ADAMTS20: variants seen among roughly 807,000 people sequenced by gnomAD.
ADAMTS20 encodes A disintegrin and metalloproteinase with thrombospondin motifs 20.
ADAMTS20 carries 225 observed loss-of-function variants against 260.1 expected under a neutral mutation model. That is an observed-to-expected ratio of 0.87 (90% confidence interval 0.78 to 0.97). ADAMTS20 has a LOEUF of 0.97. ADAMTS20 is among the 50% of genes least tolerant of loss of function. The pLI is 0.00. For synonymous variants in ADAMTS20, 802 were observed against 769.5 expected (o/e 1.04, Z -0.70); for missense variants, 2,400 against 2,337.7 (o/e 1.03, Z -0.55).
At chr12:43,443,696 G>A in intron 16 of ADAMTS20, 95 bp downstream of exon 16, 2 of 947,694 alleles carry the variant, frequency 2.1e-6, no homozygotes, top group South Asian at 1.4e-5. Flanking sequence ...GCTTGCTAAA[G>A]GGACTCCTGT....
chr12:43,381,639 G>C, intron 31 of ADAMTS20, among the ~76,000 whole-genome samples: 1 of 142,330 alleles, frequency 7.0e-6, no homozygotes, highest in African/African-American at 2.6e-5. Context: ...AAAAAAGCTA[G>C]AGATGGTGGC....
chr12:43,368,234 T>G (rs1005644017), intron 37 of ADAMTS20, among the ~76,000 whole-genome samples: 1 of 152,084 alleles, frequency 6.6e-6, no homozygotes, highest in African/African-American at 2.4e-5. Context: ...TGCTATTTTG[T>G]TTTGGAACCT....
chr12:43,499,678 T>G (rs1180876609), intron 4 of ADAMTS20, among the ~76,000 whole-genome samples: 1 of 152,018 alleles, frequency 6.6e-6, no homozygotes, highest in Non-Finnish European at 1.5e-5. Flanking sequence ...CTAATTTTTG[T>G]GTTTTCAGTA....
chr12:43,524,056 C>G (rs928616516), intron 3 of ADAMTS20, among the ~76,000 whole-genome samples: 2 of 151,362 alleles, frequency 1.3e-5, no homozygotes, highest in Non-Finnish European at 2.9e-5. Context: ...CCAATTGACA[C>G]AGTCCATTAC....
rs114548026 is a variant in ADAMTS20 at position 43,414,234 on chromosome 12, T to C, written c.4284+11280A>G. Among the ~76,000 whole-genome samples the C allele has an allele frequency of 3.2e-3, 492 of 152,248 alleles. 2 individuals are homozygous for C. The highest frequency in any genetic ancestry group is 0.011 in the African/African-American group (469 of 41,564). On this transcript the variant is annotated intron_variant, in intron 28 of 38. Coordinates refer to ENST00000389420, the MANE Select transcript of ADAMTS20 (RefSeq NM_025003.5). ...GTTTGCCTTTCAAATAATTTTAAAA[T>C]AAATCTTTGCTACACACACAAGCCA...
At chr12:43,461,527 G>A (rs1942065082) in intron 11 of ADAMTS20, among the ~76,000 whole-genome samples, 1 of 151,880 alleles carries the variant, frequency 6.6e-6, no homozygotes, top group African/African-American at 2.4e-5. Flanking sequence ...TCACACTTTT[G>A]CCACGAGCAA....
At chr12:43,365,557 C>A (rs1000126853) in intron 37 of ADAMTS20, among the ~76,000 whole-genome samples, 7 of 151,780 alleles carry the variant, frequency 4.6e-5, no homozygotes, top group African/African-American at 1.7e-4. Flanking sequence ...TAAGTCAAAT[C>A]CACAGGAAGA....
chr12:43,501,052 A>ATTTTTTTT (rs1210649487), intron 4 of ADAMTS20, among the ~76,000 whole-genome samples: 5 of 60,244 alleles, frequency 8.3e-5, no homozygotes, highest in Non-Finnish European at 9.2e-5. Context: ...TGGCTATGTA[A>ATTTTTTTT]TTCTTTTTTT....
At chr12:43,366,774 AT>A in intron 37 of ADAMTS20, among the ~76,000 whole-genome samples, 1 of 152,028 alleles carries the variant, frequency 6.6e-6, no homozygotes, top group African/African-American at 2.4e-5. Flanking sequence ...CATACCAAAT[AT>A]TTTGGGATGC....
chr12:43,464,393 G>T (rs573774502), intron 10 of ADAMTS20, among the ~76,000 whole-genome samples, 198 bp downstream of exon 10: 2 of 152,084 alleles, frequency 1.3e-5, no homozygotes, highest in East Asian at 3.9e-4. Flanking sequence ...TAATTTTTAA[G>T]TACCCAAAAC....
chr12:43,513,254 G>A (rs1484851544), intron 3 of ADAMTS20, among the ~76,000 whole-genome samples: 2 of 152,090 alleles, frequency 1.3e-5, no homozygotes, highest in South Asian at 2.1e-4. Context: ...CTGGTCAAGC[G>A]TCACAGAGTA....
At chr12:43,446,998 A>T (rs1426995939) in intron 14 of ADAMTS20, among the ~76,000 whole-genome samples, 2 of 152,106 alleles carry the variant, frequency 1.3e-5, no homozygotes, top group Non-Finnish European at 2.9e-5. Flanking sequence ...ATCAGTAATA[A>T]GTAGGCTACC....
intron 28 of ADAMTS20, among the ~76,000 whole-genome samples, chr12:43,408,557 T>C (rs1940963093): frequency 6.6e-6 from 1 of 152,144 alleles, no homozygotes; most frequent in Admixed American, 6.5e-5. Context: ...AAAAGGAATA[T>C]GCACAGAGTA....
intron 9 of ADAMTS20, 137 bp downstream of exon 9, chr12:43,466,515 A>G: frequency 1.5e-6 from 1 of 675,592 alleles, no homozygotes; most frequent in South Asian, 2.0e-5. Context: ...TTGTTCTTAA[A>G]CATCCATTTG....
At chr12:43,369,187 A>T (rs921806628) in intron 37 of ADAMTS20, 103 bp downstream of exon 37, 1 of 639,338 alleles carries the variant, frequency 1.6e-6, no homozygotes, top group Non-Finnish European at 2.3e-6. Context: ...TTGCATTTCT[A>T]TTTACTTATG....
chr12:43,442,150 T>A (rs1030009712), intron 16 of ADAMTS20, among the ~76,000 whole-genome samples: 12 of 152,208 alleles, frequency 7.9e-5, no homozygotes, highest in African/African-American at 2.2e-4. Flanking sequence ...GTTTTAAAAA[T>A]TCCTTCTATT....
At chr12:43,357,025 G>A (rs914924790) in intron 37 of ADAMTS20, among the ~76,000 whole-genome samples, 2 of 152,120 alleles carry the variant, frequency 1.3e-5, no homozygotes, top group African/African-American at 4.8e-5. Flanking sequence ...CAGAAACAGC[G>A]TGCAGATGTG....
intron 4 of ADAMTS20, among the ~76,000 whole-genome samples, chr12:43,501,481 G>GCGCGCGCGCACACACACACA (rs373746834): frequency 5.1e-5 from 6 of 117,810 alleles, no homozygotes; most frequent in Non-Finnish European, 1.1e-4. Flanking sequence ...GCGCGCGCGC[G>GCGCGCGCGCACACACACACA]CACACACACA....
At chr12:43,418,363 G>T (rs1941169936) in intron 28 of ADAMTS20, among the ~76,000 whole-genome samples, 1 of 152,160 alleles carries the variant, frequency 6.6e-6, no homozygotes. Context: ...AGGCTGGAGT[G>T]CAATGGCGCT....
Sources: gnomAD v4.1 joint callset for allele counts (sites outside exome capture counted in the v4.1 genomes callset) on GRCh38, gnomAD v4.1.1 for gene constraint, MANE v1.5 for transcripts, NCBI Gene and HGNC (gene_info 2026-07-23, HGNC 2026-07-21) for gene names.